CNTN4: variants seen among roughly 807,000 people sequenced by gnomAD.
The protein encoded by CNTN4 is contactin-4.
A neutral mutation model predicts 122.5 loss-of-function variants in CNTN4; 77 were observed. The ratio of observed to expected loss-of-function variants is 0.63; its 90% CI spans 0.52 to 0.76. The LOEUF (loss-of-function observed/expected upper bound fraction) is 0.76, where lower values mean the gene tolerates loss of function less well. CNTN4 is among the 30% of genes least tolerant of loss of function. CNTN4 has a pLI of 0.00. For missense variants in CNTN4, 1,256 were observed against 1,259.1 expected (o/e 1.00, Z 0.04); for synonymous variants, 512 against 447.0 (o/e 1.15, Z -1.83).
intron 2 of CNTN4, among the ~76,000 whole-genome samples, chr3:2,241,335 AATGCTGACATCAAGAGT>A (rs2039927985): frequency 6.6e-6 from 1 of 152,126 alleles, no homozygotes; most frequent in Admixed American, 6.5e-5. Context: ...AGATAGTTAC[AATGCTGACATCAAGAGT>A]GTTCCCACGA....
intron 18 of CNTN4, 97 bp downstream of exon 18, chr3:3,037,425 T>C (rs186312690): frequency 6.0e-5 from 91 of 1,512,932 alleles, no homozygotes; most frequent in Non-Finnish European, 8.1e-5. Flanking sequence ...CTCATGCGGC[T>C]CTGTGTTAGC....
At chr3:2,165,529 T>C (rs1005573602) in intron 2 of CNTN4, among the ~76,000 whole-genome samples, 1 of 152,200 alleles carries the variant, frequency 6.6e-6, no homozygotes, top group African/African-American at 2.4e-5. Flanking sequence ...TTTGTTGTGG[T>C]GAGAATACTT....
At chr3:2,703,563 GA>G (rs1219642913) in intron 4 of CNTN4, among the ~76,000 whole-genome samples, 1 of 152,056 alleles carries the variant, frequency 6.6e-6, no homozygotes, top group African/African-American at 2.4e-5. Context: ...ATGGGACAAA[GA>G]AATCTTCAGT....
chr3:2,852,193 G>A (rs551179363), intron 7 of CNTN4, among the ~76,000 whole-genome samples: 8 of 152,048 alleles, frequency 5.3e-5, no homozygotes, highest in Non-Finnish European at 1.2e-4. Flanking sequence ...TTAATTTTCT[G>A]GCCTGGCTTT....
chr3:2,934,507 G>A (rs544610537), intron 13 of CNTN4, among the ~76,000 whole-genome samples: 4 of 152,244 alleles, frequency 2.6e-5, no homozygotes, highest in African/African-American at 4.8e-5. Context: ...GTCCAAAGAC[G>A]CTGGCAGTCT....
At chr3:2,317,947 T>TGTTGACAAAAGAC (rs2043161610) in intron 2 of CNTN4, among the ~76,000 whole-genome samples, 1 of 152,212 alleles carries the variant, frequency 6.6e-6, no homozygotes, top group Non-Finnish European at 1.5e-5. Flanking sequence ...AACAGAACAC[T>TGTTGACAAAAGAC]TAGTCTTTTG....
chr3:2,663,835 G>A (rs980762103), intron 4 of CNTN4, among the ~76,000 whole-genome samples: 2 of 152,150 alleles, frequency 1.3e-5, no homozygotes, highest in Non-Finnish European at 2.9e-5. Flanking sequence ...AAGTACTGAT[G>A]CATACATATT....
chr3:2,932,008 G>A (rs1463208302), intron 13 of CNTN4, among the ~76,000 whole-genome samples: 1 of 151,834 alleles, frequency 6.6e-6, no homozygotes, highest in Non-Finnish European at 1.5e-5. Context: ...TAAATTCCAT[G>A]AGAATAGAAA....
intron 6 of CNTN4, among the ~76,000 whole-genome samples, chr3:2,799,753 T>A (rs2092300751): frequency 1.3e-5 from 2 of 152,242 alleles, no homozygotes; most frequent in South Asian, 4.1e-4. Flanking sequence ...TTTTAATTTT[T>A]ATGGGTACAT....
intron 11 of CNTN4, among the ~76,000 whole-genome samples, chr3:2,902,522 C>T (rs995271756): frequency 3.3e-5 from 5 of 151,980 alleles, no homozygotes; most frequent in Admixed American, 2.0e-4. Context: ...GTTTTATTTC[C>T]GAAACCCCCT....
intron 7 of CNTN4, among the ~76,000 whole-genome samples, chr3:2,857,594 T>C (rs939595689): frequency 6.6e-6 from 1 of 152,144 alleles, no homozygotes; most frequent in Non-Finnish European, 1.5e-5. Context: ...TTTTGTTTTT[T>C]TGAGACATAG....
intron 7 of CNTN4, among the ~76,000 whole-genome samples, chr3:2,832,947 C>T (rs542564520): frequency 6.6e-6 from 1 of 151,120 alleles, no homozygotes; most frequent in East Asian, 2.0e-4. Flanking sequence ...AATATCTACA[C>T]TATGTAAATG....
intron 3 of CNTN4, among the ~76,000 whole-genome samples, chr3:2,347,294 G>A (rs1342441015): frequency 2.6e-5 from 4 of 151,892 alleles, no homozygotes; most frequent in Admixed American, 2.6e-4. Context: ...AAAACCTGTG[G>A]AATCATAAAC....
rs575644127 is a variant in CNTN4 at position 3,037,110 on chromosome 3, C to T, written c.1943-69C>T. On this transcript the variant is annotated intron_variant, in intron 17 of 24. Coordinates refer to ENST00000418658, the MANE Select transcript of CNTN4 (RefSeq NM_175607.3). ...GAGGATGGATGGATGTTCCTATCTT[C>T]CTAACGTAATCTCTGCATTTGTTTT... The T allele has an allele frequency of 2.6e-6, 4 of 1,541,810 alleles. No individual in the cohort carries two copies. In the East Asian group the frequency reaches 9.0e-5, roughly 35 times the overall value.
At chr3:2,902,016 A>G (rs1009749086) in intron 11 of CNTN4, among the ~76,000 whole-genome samples, 1 of 152,218 alleles carries the variant, frequency 6.6e-6, no homozygotes, top group African/African-American at 2.4e-5. Context: ...ATTCAAAAAC[A>G]GGTAATTATC....
At chr3:2,535,614 T>C (rs1272795548) in intron 3 of CNTN4, among the ~76,000 whole-genome samples, 5 of 152,110 alleles carry the variant, frequency 3.3e-5, no homozygotes, top group Admixed American at 3.3e-4. Context: ...GACTAGCCCT[T>C]TCATGATAGA....
At chr3:2,361,986 G>A (rs1306376904) in intron 3 of CNTN4, among the ~76,000 whole-genome samples, 2 of 152,112 alleles carry the variant, frequency 1.3e-5, no homozygotes, top group African/African-American at 2.4e-5. Context: ...TGAGTTGGAG[G>A]GGTCTAGGAA....
chr3:2,817,259 G>T (rs911971850), intron 6 of CNTN4, among the ~76,000 whole-genome samples: 4 of 152,170 alleles, frequency 2.6e-5, no homozygotes, highest in African/African-American at 9.7e-5. Context: ...TTGAAACAAA[G>T]AACATTCATT....
intron 13 of CNTN4, among the ~76,000 whole-genome samples, chr3:2,946,419 A>G (rs529983738): frequency 3.3e-5 from 5 of 152,308 alleles, no homozygotes; most frequent in South Asian, 4.1e-4. Context: ...ATAATTAACT[A>G]TTGACGTGTA....
Sources: gnomAD v4.1 joint callset for allele counts (sites outside exome capture counted in the v4.1 genomes callset) on GRCh38, gnomAD v4.1.1 for gene constraint, MANE v1.5 for transcripts, NCBI Gene and HGNC (gene_info 2026-07-23, HGNC 2026-07-21) for gene names.